Variants in HIP1 observed in about 807,000 individuals in gnomAD.
The protein encoded by HIP1 is huntingtin-interacting protein 1.
HIP1 carries 65 observed loss-of-function variants against 147.6 expected under a neutral mutation model. That is an observed-to-expected ratio of 0.44 (90% CI 0.36 to 0.54). The LOEUF (loss-of-function observed/expected upper bound fraction) is 0.54. Ranked by LOEUF, HIP1 falls within the 20% of genes least tolerant of loss-of-function variation. The pLI is 0.00. For missense variants in HIP1, 1,061 were observed against 1,299.6 expected, an observed-to-expected ratio of 0.82 and a Z score of 2.82; for synonymous variants, 479 against 504.0, an observed-to-expected ratio of 0.95 and a Z score of 0.67.
rs116949882 is a variant in HIP1, at chr7:75,613,543, C to T, written c.121-14296G>A. ...CTGCACTGGTAATTTACTTCTCATC[C>T]GCCTTTGGTCCCTAGAGGGCAAGAA... On this transcript the variant is annotated intron_variant, in intron 1 of 30. Coordinates refer to ENST00000336926, the MANE Select transcript of HIP1 (RefSeq NM_005338.7). Among the ~76,000 whole-genome samples the T allele has an allele frequency of 5.2e-3, 795 of 152,228 alleles. 6 individuals carry two copies. Among genetic ancestry groups the T allele is most frequent in the Non-Finnish European group, 9.1e-3 (621 of 68,018 alleles).
chr7:75,548,774 T>C, intron 23 of HIP1, 117 bp downstream of exon 23: 1 of 793,486 alleles, frequency 1.3e-6, no homozygotes, highest in Non-Finnish European at 2.2e-6. Flanking sequence ...AATTCTGGTT[T>C]CTGTCTTAGG....
In HIP1 at chr7:75,662,594, C is replaced by T. The variant is rs145810600; in HGVS notation, c.121-63347G>A. Among the ~76,000 whole-genome samples, 460 of 152,308 alleles carry T rather than the reference C, an allele frequency of 3.0e-3. 1 individual carries two copies. Among genetic ancestry groups the T allele is most frequent in the African/African-American group, 0.011 (438 of 41,568 alleles). ...GATCTCAGCTCACTGCAACCTCCCT[C>T]TCCCAGGTTCAAGTGACTCTCCTGC... On this transcript the variant is annotated intron_variant, in intron 1 of 30. Transcript: ENST00000336926.
At chr7:75,730,241 G>A (rs1252430527) in intron 1 of HIP1, among the ~76,000 whole-genome samples, 12 of 152,036 alleles carry the variant, frequency 7.9e-5, no homozygotes, top group Admixed American at 7.9e-4. Context: ...CCAAGCATAA[G>A]GAGGAAGAGA....
Position 75,690,270 on chromosome 7 carries a change from T to TCA in HIP1, c.120+48529_120+48530dup, listed in dbSNP as rs66973060. Among the ~76,000 whole-genome samples the TCA allele has an allele frequency of 4.6e-3, 693 of 149,646 alleles. 3 individuals are homozygous for TCA. Among genetic ancestry groups the TCA allele is most frequent in the South Asian group, 0.023 (109 of 4,728 alleles). ...CTCCAGGTGACAGAGTGAGACTTTG[T>TCA]CACACACACACACACACACACACAA... On this transcript the variant is annotated intron_variant, in intron 1 of 30. Transcript: ENST00000336926.
intron 1 of HIP1, chr7:75,611,944 G>A (rs782725946): frequency 5.5e-6 from 5 of 904,352 alleles, no homozygotes; most frequent in Non-Finnish European, 6.7e-6. Flanking sequence ...GCCAGGCAGT[G>A]GCCAATGGGA....
At chr7:75,653,081 T>C (rs1227938710) in intron 1 of HIP1, among the ~76,000 whole-genome samples, 2 of 151,994 alleles carry the variant, frequency 1.3e-5, no homozygotes, top group Admixed American at 1.3e-4. Flanking sequence ...CTCTGAAAAC[T>C]CTGGTAAATA....
At chr7:75,706,224 C>CT (rs1800990227) in intron 1 of HIP1, among the ~76,000 whole-genome samples, 1 of 152,132 alleles carries the variant, frequency 6.6e-6, no homozygotes, top group Non-Finnish European at 1.5e-5. Context: ...AACCACCTGA[C>CT]TGTTTTCTAC....
In HIP1 at chr7:75,539,353, G is replaced by C; in HGVS notation, c.3031C>G (p.Leu1011Val). The part of the protein sequence containing the change: ...LGELRKKHYE[L>V]AGVAEGWEEG... ...TCCCAGCCCTCAGCAACACCAGCAA[G>C]CTCGTAGTGCTTTTTCCGAAGCTCT... The change falls in exon 30 of 31, where the codon CTT becomes GTT. Residue 1011 changes from leucine (L) to valine (V), a missense_variant. Physicochemically the swap from Leu to Val is conservative, Grantham distance 32 (BLOSUM62 1). Around this residue, in one of 3 missense-constraint regions of HIP1, gnomAD observed 810 missense variants for 946.8 expected, o/e 0.86. Transcript: ENST00000336926. The C allele has an allele frequency of 6.2e-7, 1 of 1,614,108 alleles. No homozygotes were observed. Among genetic ancestry groups the C allele is most frequent in the Non-Finnish European group, 8.5e-7 (1 of 1,179,954 alleles).
chr7:75,726,589 T>G (rs909698809), intron 1 of HIP1, among the ~76,000 whole-genome samples: 1 of 152,056 alleles, frequency 6.6e-6, no homozygotes, highest in African/African-American at 2.4e-5. Context: ...TGGCCGGGCA[T>G]TTTTATCACC....
At chr7:75,673,936 T>G (rs1799807088) in intron 1 of HIP1, among the ~76,000 whole-genome samples, 1 of 151,966 alleles carries the variant, frequency 6.6e-6, no homozygotes, top group Admixed American at 6.6e-5. Flanking sequence ...GAGTGATCCA[T>G]GCTTGTACCA....
At chr7:75,591,575 T>A (rs1470220746) in intron 4 of HIP1, among the ~76,000 whole-genome samples, 1 of 151,712 alleles carries the variant, frequency 6.6e-6, no homozygotes, top group East Asian at 1.9e-4. Flanking sequence ...ACGGGACCAG[T>A]GGAAGGAGAA....
intron 1 of HIP1, among the ~76,000 whole-genome samples, chr7:75,646,148 C>T (rs1191711644): frequency 7.2e-5 from 11 of 152,022 alleles, no homozygotes; most frequent in African/African-American, 1.9e-4. Flanking sequence ...GGTGCAATCT[C>T]AGCTCACTGC....
chr7:75,645,335 T>TC (rs1798768613), intron 1 of HIP1, among the ~76,000 whole-genome samples: 1 of 152,148 alleles, frequency 6.6e-6, no homozygotes, highest in Non-Finnish European at 1.5e-5. Context: ...CAAGCGATTC[T>TC]CCTGCCTCAG....
chr7:75,720,935 G>A (rs1270482436), intron 1 of HIP1, among the ~76,000 whole-genome samples: 1 of 151,854 alleles, frequency 6.6e-6, no homozygotes, highest in East Asian at 1.9e-4. Context: ...CTACTAGGGA[G>A]GCTGAGGCAG....
rs543281024 is a variant in HIP1, at chr7:75,666,724, T to G, written c.121-67477A>C. Among the ~76,000 whole-genome samples the G allele has an allele frequency of 5.9e-5, 9 of 152,198 alleles. No individual in the cohort carries two copies. In the South Asian group the frequency reaches 1.9e-3, roughly 32 times the overall value. ...CTTGTCCAATGGGAGAAAGTACGGA[T>G]GTGTTTCAGACACGGAACAGTTCCC... is the stretch of plus-strand genomic sequence containing the variant. On this transcript the variant is annotated intron_variant, in intron 1 of 30. Coordinates refer to ENST00000336926, the MANE Select transcript of HIP1 (RefSeq NM_005338.7).
chr7:75,571,997 G>A (rs903463100), intron 8 of HIP1, among the ~76,000 whole-genome samples: 7 of 152,212 alleles, frequency 4.6e-5, no homozygotes, highest in East Asian at 3.9e-4. Flanking sequence ...ATCACTTGAG[G>A]CCAGGAGTTC....
At chr7:75,656,584 TCTC>T (rs1166809041) in intron 1 of HIP1, among the ~76,000 whole-genome samples, 1 of 152,158 alleles carries the variant, frequency 6.6e-6, no homozygotes, top group Non-Finnish European at 1.5e-5. Context: ...TTCAAGCGAT[TCTC>T]CTGCCTCAGC....
Position 75,568,101 on chromosome 7 carries a change from C to A in HIP1, c.803+98G>T, listed in dbSNP as rs1795476615. 2.3e-6 allele frequency: 2 copies of A among 881,638 alleles called. No homozygotes were observed. The highest frequency in any genetic ancestry group is 2.4e-5 in the East Asian group (1 of 40,850). 54.6% of individuals were successfully genotyped at this position (881,638 alleles called of 1,614,324 possible). A position where few individuals can be genotyped will look rare whatever the true frequency, so the allele number is the denominator to read the frequency against. On this transcript the variant is annotated intron_variant, in intron 9 of 30. Transcript: ENST00000336926. This position sits in a 1 kb window ranked among gnomAD's most constrained non-coding sequence, Gnocchi z 4.1. The stretch of plus-strand genomic sequence containing the variant: ...AAAGAGTTGGGGTTACAGGCATGAA[C>A]CACTGTGTCCAGCCACCTCTCACAG...
intron 1 of HIP1, among the ~76,000 whole-genome samples, chr7:75,623,091 G>A (rs1346209718): frequency 1.3e-5 from 2 of 151,246 alleles, no homozygotes; most frequent in African/African-American, 4.9e-5. Flanking sequence ...CCAGCTACTC[G>A]GGAGGCTGAG....
Sources: allele counts gnomAD v4.1 joint callset (sites outside exome capture counted in the v4.1 genomes callset), GRCh38; gene constraint gnomAD v4.1.1; regional missense constraint gnomAD v4.1.1; non-coding constraint Gnocchi (gnomAD v3.1); transcripts MANE v1.5; gene names NCBI Gene and HGNC (gene_info 2026-07-23, HGNC 2026-07-21).